NECTIN3: variants seen among roughly 807,000 people sequenced by gnomAD.
NECTIN3 encodes the protein nectin cell adhesion molecule 3, also known as nectin-3.
A neutral mutation model predicts 49.4 loss-of-function variants in NECTIN3; 8 were observed. The ratio of observed to expected loss-of-function variants is 0.16; its 90% CI spans 0.10 to 0.29. The LOEUF (loss-of-function observed/expected upper bound fraction) is 0.29, where lower values mean the gene tolerates loss of function less well. Ranked by LOEUF, NECTIN3 falls within the 10% of genes least tolerant of loss-of-function variation. The probability of loss-of-function intolerance (pLI) is 1.00; values close to 1 mark genes in which losing one functional copy is unlikely to be tolerated. For synonymous variants in NECTIN3, 277 were observed against 241.1 expected (o/e 1.15, Z -1.38); for missense variants, 581 against 654.6 (o/e 0.89, Z 1.23).
chr3:111,184,392 C>G (rs1394870074), intron 7 of NECTIN3, among the ~76,000 whole-genome samples: 1 of 152,128 alleles, frequency 6.6e-6, no homozygotes, highest in Non-Finnish European at 1.5e-5. Context: ...TAGATTAATA[C>G]CATTATCTTT....
At position 111,083,682 on chromosome 3, in the gene NECTIN3, C is replaced by T. The variant is rs1175245029; in HGVS notation, c.160+11505C>T. ...AGGTTTTATTCACAAACATCAGAAA[C>T]TTGACCCCGTGGTTAAAAGACAGTT... On this transcript the variant is annotated intron_variant, in intron 1 of 5. Transcript: ENST00000485303. Among the ~76,000 whole-genome samples the T allele has an allele frequency of 2.6e-5, 4 of 152,236 alleles. No individual in the cohort carries two copies. In the East Asian group the frequency reaches 7.7e-4, roughly 29 times the overall value.
upstream of NECTIN3, among the ~76,000 whole-genome samples, chr3:111,191,017 T>C (rs1290237553): frequency 6.6e-6 from 1 of 152,172 alleles, no homozygotes; most frequent in Non-Finnish European, 1.5e-5. Context: ...GATTTGTCCT[T>C]CCAAACCAAA....
At chr3:111,120,387 A>AAGAC in intron 3 of NECTIN3, among the ~76,000 whole-genome samples, 1 of 152,156 alleles carries the variant, frequency 6.6e-6, no homozygotes, top group Non-Finnish European at 1.5e-5. Context: ...GGAGACCTAT[A>AAGAC]AGACATGTAA....
chr3:111,176,632 C>T (rs1405348684), intron 7 of NECTIN3, among the ~76,000 whole-genome samples: 2 of 151,986 alleles, frequency 1.3e-5, no homozygotes, highest in East Asian at 1.9e-4. Context: ...AGGTTATTTT[C>T]CTTCAGAAGG....
At chr3:111,154,364 G>A (rs773263987) in intron 7 of NECTIN3, among the ~76,000 whole-genome samples, 4 of 151,968 alleles carry the variant, frequency 2.6e-5, no homozygotes, top group Non-Finnish European at 4.4e-5. Flanking sequence ...TTCCCTTTAC[G>A]TAGCTATAAT....
intron 1 of NECTIN3, among the ~76,000 whole-genome samples, chr3:111,086,755 A>G (rs1237620904): frequency 6.6e-6 from 1 of 152,028 alleles, no homozygotes; most frequent in Non-Finnish European, 1.5e-5. Flanking sequence ...ATTAATTTTC[A>G]TAAAAAGCCT....
chr3:111,142,722 T>G (rs777137391), intron 5 of NECTIN3, among the ~76,000 whole-genome samples: 4 of 151,364 alleles, frequency 2.6e-5, no homozygotes, highest in Non-Finnish European at 4.4e-5. Flanking sequence ...GATAAAAAAT[T>G]TATAATGATC....
Position 111,145,038 on chromosome 3 carries a change from G to A in NECTIN3, c.1139+1G>A. The A allele has an allele frequency of 6.5e-7, 1 of 1,535,948 alleles. No homozygotes were observed. The highest frequency in any genetic ancestry group is 8.7e-7 in the Non-Finnish European group (1 of 1,146,446). On this transcript the variant is annotated splice_donor_variant, in intron 6 of 8. Transcript: ENST00000493615. LOFTEE classifies it high-confidence loss of function. ...AAAGACCATCCTATCTTGACAAAGT[G>A]TAGGTAACTTTTTTGCCTTTGTTCA...
chr3:111,162,338 G>A (rs1164177034), intron 7 of NECTIN3, among the ~76,000 whole-genome samples: 1 of 152,162 alleles, frequency 6.6e-6, no homozygotes, highest in Admixed American at 6.5e-5. Context: ...AGGACCTGGT[G>A]GGAGGTAACT....
rs115819040 is a variant in NECTIN3 at position 111,095,213 on chromosome 3, T to C, written c.161-16817T>C. On this transcript the variant is annotated intron_variant, in intron 1 of 5. Transcript: ENST00000485303. ...AGTTTGCGTATACACAGACCACCTATATCTATTTTAGAGACTTGAGGGAAA... is the reference window on the plus strand; with the variant it reads ...AGTTTGCGTATACACAGACCACCTACATCTATTTTAGAGACTTGAGGGAAA... 1.7e-3 allele frequency among the ~76,000 whole-genome samples: 257 copies of C among 152,324 alleles called. 2 individuals carry two copies. Among genetic ancestry groups the C allele is most frequent in the African/African-American group, 5.8e-3 (243 of 41,576 alleles).
intron 7 of NECTIN3, among the ~76,000 whole-genome samples, chr3:111,160,733 C>T (rs538799546): frequency 5.3e-4 from 80 of 152,276 alleles, no homozygotes; most frequent in Non-Finnish European, 9.3e-4. Flanking sequence ...AGGGGCTGGG[C>T]GCAGTGGCTA....
In NECTIN3 at chr3:111,072,076, C is replaced by T. The variant is rs1021668826; in HGVS notation, c.59C>T (p.Ser20Phe). The T allele has an allele frequency of 6.5e-6, 10 of 1,549,166 alleles. No homozygotes were observed. Among genetic ancestry groups the T allele is most frequent in the East Asian group, 2.4e-5 (1 of 40,826 alleles). Residue 20 changes from serine (S) to phenylalanine (F), a missense_variant, in exon 1 of 6, where the codon TCC becomes TTC. Physicochemically the swap from Ser to Phe is radical, Grantham distance 155. Transcript: ENST00000485303. ...LCPGGGKAQL[S>F]SASLLGAGLL... ...CCTGGAGGCGGCAAAGCACAACTTT[C>T]CTCCGCTTCTCTCCTCGGAGCCGGG...
rs189251859 is a variant in NECTIN3 at position 111,123,764 on chromosome 3, A to G, written c.917+1526A>G. Among the ~76,000 whole-genome samples the G allele has an allele frequency of 3.3e-5, 5 of 152,218 alleles. No homozygotes were observed. The East Asian group carries it at 9.7e-4, about 29-fold the overall frequency. The stretch of plus-strand genomic sequence containing the variant: ...GCTTTCTCATCCATGTGTTTTTCAT[A>G]AGCAACCCTTCACCCTGAAGTACAA... On this transcript the variant is annotated intron_variant, in intron 4 of 5. Transcript: ENST00000485303.
At chr3:111,109,166 C>A (rs2033348003) in intron 1 of NECTIN3, among the ~76,000 whole-genome samples, 1 of 152,026 alleles carries the variant, frequency 6.6e-6, no homozygotes, top group Admixed American at 6.6e-5. Flanking sequence ...TTTAAGGACA[C>A]CAGTCCAATC....
intron 1 of NECTIN3, among the ~76,000 whole-genome samples, chr3:111,105,175 C>A (rs554159254): frequency 7.1e-6 from 1 of 139,976 alleles, no homozygotes. Flanking sequence ...CAGGGTCTTG[C>A]TCTGTCACCC....
chr3:111,074,917 G>A (rs1259782804), intron 1 of NECTIN3: 1 of 151,890 alleles, frequency 6.6e-6, no homozygotes, highest in Admixed American at 6.6e-5. Context: ...CATGGGTATG[G>A]TAATGATGAA....
intron 6 of NECTIN3, among the ~76,000 whole-genome samples, chr3:111,145,760 C>T (rs188902331): frequency 3.5e-4 from 54 of 152,250 alleles, no homozygotes; most frequent in African/African-American, 1.2e-3. Flanking sequence ...TCTTTACAAA[C>T]GGCATTATTT....
At chr3:111,153,992 A>G (rs76591190) in intron 7 of NECTIN3, among the ~76,000 whole-genome samples, 1,583 of 152,282 alleles carry the variant, frequency 0.01, 34 homozygotes, top group African/African-American at 0.034. Flanking sequence ...GAGCTTTATT[A>G]AAGTATTAAT....
chr3:111,118,261 T>TATATATA (rs1553723401), intron 2 of NECTIN3, among the ~76,000 whole-genome samples: 4 of 125,554 alleles, frequency 3.2e-5, no homozygotes, highest in Non-Finnish European at 6.8e-5. Flanking sequence ...TATATATATA[T>TATATATA]ATATATATAT....
Sources: gnomAD v4.1 joint callset for allele counts (sites outside exome capture counted in the v4.1 genomes callset) on GRCh38, gnomAD v4.1.1 for gene constraint, MANE v1.5 for transcripts, NCBI Gene and HGNC (gene_info 2026-07-23, HGNC 2026-07-21) for gene names.